The following PP2D1 variants were observed in gnomAD, a reference collection of about 807,000 sequenced individuals.
The protein encoded by PP2D1 is protein phosphatase 2C like domain containing 1.
A neutral mutation model predicts 30.2 loss-of-function variants in PP2D1; 25 were observed. The ratio of observed to expected loss-of-function variants is 0.83; its 90% CI spans 0.60 to 1.16. The LOEUF is 1.16. Among genes scored for constraint, PP2D1 ranks in the 50% most tolerant of loss-of-function variants. PP2D1 has a pLI of 0.00. For synonymous variants in PP2D1, 260 were observed against 258.9 expected, an observed-to-expected ratio of 1.00 and a Z score of -0.04; for missense variants, 760 against 742.4, an observed-to-expected ratio of 1.02 and a Z score of -0.28.
intron 2 of PP2D1, among the ~76,000 whole-genome samples, chr3:19,989,871 A>G (rs1697094176): frequency 6.8e-6 from 1 of 147,806 alleles, no homozygotes; most frequent in Non-Finnish European, 1.5e-5. Flanking sequence ...AAAAAGCATT[A>G]TTTTCCTAGT....
intron 2 of PP2D1, 37 bp from the exon 3 acceptor site, chr3:19,986,219 C>T: frequency 3.7e-6 from 5 of 1,352,850 alleles, no homozygotes; most frequent in Non-Finnish European, 4.9e-6. Flanking sequence ...AATTTTTATC[C>T]TAGAGATAAC....
At chr3:19,983,171 T>C (rs1696963656), downstream of PP2D1, among the ~76,000 whole-genome samples, 1 of 151,912 alleles carries the variant, frequency 6.6e-6, no homozygotes, top group African/African-American at 2.4e-5. Flanking sequence ...ACCCCGTCTC[T>C]ACTAAAAAAC....
intron 2 of PP2D1, among the ~76,000 whole-genome samples, chr3:19,987,177 A>G (rs1156687943): frequency 6.6e-6 from 1 of 152,168 alleles, no homozygotes; most frequent in African/African-American, 2.4e-5. Flanking sequence ...GTTCAAATGA[A>G]TCTGTGATGG....
chr3:19,996,799 G>T (rs1418718357), intron 2 of PP2D1: 1 of 152,048 alleles, frequency 6.6e-6, no homozygotes, highest in African/African-American at 2.4e-5. Context: ...ATCAATAAAT[G>T]TGAAGCTTTG....
chr3:19,983,602 T>G (rs1295826615), downstream of PP2D1: 2 of 747,532 alleles, frequency 2.7e-6, no homozygotes, highest in Non-Finnish European at 4.7e-6. Context: ...GGTTATATGA[T>G]ACTTTGGGGG....
rs1575081861 is a variant in PP2D1, at chr3:19,985,861, A to T, written c.1412T>A (p.Met471Lys). The T allele has an allele frequency of 6.5e-7, 1 of 1,536,420 alleles. No individual in the cohort carries two copies. The highest frequency in any genetic ancestry group is 8.7e-7 in the Non-Finnish European group (1 of 1,146,950). Reference sequence around the variant, plus strand: ...TTCTTTATACATGTGAAATGTTGTCATTGCCAGGGCAGTAACTTCCTCTTT... The same window carrying T: ...TTCTTTATACATGTGAAATGTTGTCTTTGCCAGGGCAGTAACTTCCTCTTT... ...LDKEEVTALA[M>K]TTFHMYKETY... is the part of the protein sequence containing the mutation. Residue 471 changes from methionine to lysine, a missense_variant, in exon 3 of 3, where the codon ATG becomes AAG. Met to Lys is a moderately conservative substitution (Grantham distance 95). Transcript: ENST00000389050.
At chr3:19,991,442 G>A (rs1413699794) in intron 2 of PP2D1, among the ~76,000 whole-genome samples, 2 of 152,148 alleles carry the variant, frequency 1.3e-5, no homozygotes, top group African/African-American at 4.8e-5. Context: ...AAGAAAGAAT[G>A]AGAGAAGAGG....
At chr3:20,000,824 C>T (rs1697241206) in intron 2 of PP2D1, among the ~76,000 whole-genome samples, 1 of 152,126 alleles carries the variant, frequency 6.6e-6, no homozygotes, top group African/African-American at 2.4e-5. Flanking sequence ...ATATCTGTGC[C>T]TCTTTAAAAA....
At chr3:19,986,574 G>C (rs985670433) in intron 2 of PP2D1, among the ~76,000 whole-genome samples, 2 of 152,142 alleles carry the variant, frequency 1.3e-5, no homozygotes, top group South Asian at 2.1e-4. Flanking sequence ...TAAGATAAAT[G>C]CTTTTTCAAT....
At chr3:19,996,263 G>A (rs549790041) in intron 2 of PP2D1, among the ~76,000 whole-genome samples, 29 of 152,134 alleles carry the variant, frequency 1.9e-4, no homozygotes, top group Non-Finnish European at 3.5e-4. Context: ...CATTACAACA[G>A]ATGCCACTAA....
At chr3:19,988,797 G>A (rs554109544) in intron 2 of PP2D1, among the ~76,000 whole-genome samples, 22 of 152,270 alleles carry the variant, frequency 1.4e-4, no homozygotes, top group Admixed American at 1.4e-3. Context: ...TAGGGAAATA[G>A]GAAAGAACCT....
chr3:19,982,743 C>G (rs1445938343), downstream of PP2D1, among the ~76,000 whole-genome samples: 3 of 145,092 alleles, frequency 2.1e-5, no homozygotes, highest in African/African-American at 7.8e-5. Context: ...TCCTGGGTGA[C>G]AGAGTGAGAC....
intron 1 of PP2D1, among the ~76,000 whole-genome samples, chr3:20,002,914 G>A (rs1697273097): frequency 6.6e-6 from 1 of 152,090 alleles, no homozygotes; most frequent in Non-Finnish European, 1.5e-5. Context: ...AATTAGCTGG[G>A]CATGGTGGCA....
Position 20,002,106 on chromosome 3 carries a change from G to C in PP2D1, c.24-10C>G. On this transcript the variant is annotated splice_polypyrimidine_tract_variant and intron_variant, in intron 1 of 2. Transcript: ENST00000389050. ...TGATTTCCAAAACACTCTGCAAACAGGATGAAAGATATTTACATGCCAGGA... is the reference window on the plus strand; with the variant it reads ...TGATTTCCAAAACACTCTGCAAACACGATGAAAGATATTTACATGCCAGGA... The C allele has an allele frequency of 6.7e-7, 1 of 1,498,390 alleles. No individual in the cohort carries two copies. The highest frequency in any genetic ancestry group is 1.2e-5 in the South Asian group (1 of 82,332). 92.8% of individuals were successfully genotyped at this position (1,498,390 alleles called of 1,614,324 possible). A position where few individuals can be genotyped will look rare whatever the true frequency, so the allele number is the denominator to read the frequency against.
intron 1 of PP2D1, among the ~76,000 whole-genome samples, chr3:20,011,071 C>G (rs1298905403): frequency 6.6e-6 from 1 of 151,966 alleles, no homozygotes; most frequent in African/African-American, 2.4e-5. Flanking sequence ...TGTGATGAGA[C>G]CTAAGAAAAT....
intron 1 of PP2D1, among the ~76,000 whole-genome samples, chr3:20,006,315 C>G (rs1305663337): frequency 6.6e-6 from 1 of 152,082 alleles, no homozygotes; most frequent in Non-Finnish European, 1.5e-5. Flanking sequence ...GCATACCATC[C>G]TAAAATCTGA....
chr3:19,986,284 A>G, intron 2 of PP2D1, 102 bp from the exon 3 acceptor site: 1 of 804,108 alleles, frequency 1.2e-6, no homozygotes, highest in Non-Finnish European at 1.9e-6. Flanking sequence ...TCAATGCTAA[A>G]CAGAAAGCAG....
In PP2D1 at chr3:19,985,429, G is replaced by A; in HGVS notation, c.1844C>T (p.Thr615Ile). 5 of 1,535,942 alleles carry A rather than the reference G, an allele frequency of 3.3e-6. No individual in the cohort carries two copies. Among genetic ancestry groups the A allele is most frequent in the Non-Finnish European group, 4.4e-6 (5 of 1,146,806 alleles). The change falls in exon 3 of 3, where the codon ACA (threonine) becomes ATA (isoleucine). Residue 615 changes from threonine to isoleucine, a missense_variant. Thr to Ile is a moderately conservative substitution (Grantham distance 89). Around this residue, in one of 3 missense-constraint regions of PP2D1, gnomAD observed 369 missense variants for 316.2 expected, o/e 1.17. Transcript: ENST00000389050. ...ALLAGSRDNI[T>I]VMVIFLNGSE... ...TCCATTGAGAAATATTACCATAACT[G>A]TAATGTTGTCTCTGGAGCCAGCCAG...
intron 2 of PP2D1, among the ~76,000 whole-genome samples, chr3:19,989,640 T>A (rs537590437): frequency 1.3e-5 from 2 of 152,306 alleles, no homozygotes; most frequent in African/African-American, 2.4e-5. Context: ...CAAGACAACA[T>A]GAAGTGGCAC....
Sources: allele counts gnomAD v4.1 joint callset (sites outside exome capture counted in the v4.1 genomes callset), GRCh38; gene constraint gnomAD v4.1.1; regional missense constraint gnomAD v4.1.1; transcripts MANE v1.5; gene names NCBI Gene and HGNC (gene_info 2026-07-23, HGNC 2026-07-21).